The following RTF1 variants were observed in gnomAD, a reference collection of about 807,000 sequenced individuals.
RTF1 encodes the protein RTF1 homolog, Paf1/RNA polymerase II complex component.
In RTF1, 10 loss-of-function variants were observed where a neutral mutation model predicts 95.7. The observed-to-expected ratio is 0.10, with a 90% CI of 0.06 to 0.18. RTF1 has a LOEUF of 0.18. Among genes scored for constraint, RTF1 ranks in the 10% least tolerant of loss-of-function variants. The probability of loss-of-function intolerance (pLI) is 1.00; values close to 1 mark genes in which losing one functional copy is unlikely to be tolerated. For missense variants in RTF1, 458 were observed against 875.6 expected (o/e 0.52, Z 6.02); for synonymous variants, 305 against 311.8 (o/e 0.98, Z 0.23).
At chr15:41,475,198 TC>T (rs34837447) in intron 9 of RTF1, among the ~76,000 whole-genome samples, 1 of 152,210 alleles carries the variant, frequency 6.6e-6, no homozygotes, top group Non-Finnish European at 1.5e-5. Flanking sequence ...CAGGTGATCC[TC>T]CCACCTCAGT....
intron 1 of RTF1, among the ~76,000 whole-genome samples, chr15:41,435,366 GT>G (rs1403412502): frequency 6.6e-6 from 1 of 151,196 alleles, no homozygotes; most frequent in Non-Finnish European, 1.5e-5. Context: ...TCAAGTTTGG[GT>G]TTTTTGTTTT....
intron 1 of RTF1, among the ~76,000 whole-genome samples, chr15:41,428,916 T>A (rs2050653590): frequency 6.6e-6 from 1 of 152,086 alleles, no homozygotes; most frequent in Admixed American, 6.6e-5. Flanking sequence ...TTTGTATTTT[T>A]AGTAGAGACG....
Position 41,482,244 on chromosome 15 carries a change from C to G in RTF1, c.*1557C>G, listed in dbSNP as rs946234432. 6.6e-6 allele frequency: 1 copy of G among 152,664 alleles called. No homozygotes were observed. The highest frequency in any genetic ancestry group is 1.5e-5 in the Non-Finnish European group (1 of 68,048). The allele number at this position is 152,664 out of a possible 1,614,324, so 9.5% of individuals were successfully genotyped here. A position where few individuals can be genotyped will look rare whatever the true frequency, so the allele number is the denominator to read the frequency against. ...AGATAAACTGACTGCTTGATAATCACTCTCAGGTGTAAAGCTCCAAGTGTA... is the reference window on the plus strand; with the variant it reads ...AGATAAACTGACTGCTTGATAATCAGTCTCAGGTGTAAAGCTCCAAGTGTA... On this transcript the variant is annotated 3_prime_UTR_variant, in exon 18 of 18. Coordinates refer to ENST00000389629, the MANE Select transcript of RTF1 (RefSeq NM_015138.5).
At chr15:41,418,863 A>T (rs71472484) in intron 1 of RTF1, among the ~76,000 whole-genome samples, 5,288 of 149,820 alleles carry the variant, frequency 0.035, 137 homozygotes, top group Non-Finnish European at 0.053. Flanking sequence ...TTATTTATTT[A>T]TTTTTTTTTG....
chr15:41,421,487 G>T (rs962687686), intron 1 of RTF1, among the ~76,000 whole-genome samples: 2 of 151,364 alleles, frequency 1.3e-5, no homozygotes, highest in African/African-American at 4.9e-5. Context: ...TTAAAAATTA[G>T]CTGGGCATGG....
At chr15:41,465,628 G>A (rs1443743337) in intron 5 of RTF1, among the ~76,000 whole-genome samples, 3 of 151,776 alleles carry the variant, frequency 2.0e-5, no homozygotes, top group Non-Finnish European at 4.4e-5. Context: ...GCAGAAGAGC[G>A]AGGCTCTGTT....
intron 17 of RTF1, 77 bp from the exon 18 acceptor site, chr15:41,480,504 C>A (rs2050966641): frequency 1.8e-6 from 2 of 1,131,884 alleles, no homozygotes; most frequent in African/African-American, 1.5e-5. Context: ...AGTCAGGAGG[C>A]TGCCTGCAGG....
chr15:41,445,282 TAGAC>T (rs1198109844), intron 2 of RTF1, among the ~76,000 whole-genome samples: 1 of 152,162 alleles, frequency 6.6e-6, no homozygotes, highest in East Asian at 1.9e-4. Context: ...TGTAGACAAA[TAGAC>T]AGTAACACCT....
intron 1 of RTF1, among the ~76,000 whole-genome samples, chr15:41,431,637 A>G (rs750232279): frequency 1.1e-4 from 16 of 151,948 alleles, no homozygotes; most frequent in Non-Finnish European, 1.8e-4. Flanking sequence ...AGCTGAGACT[A>G]TAGGCATGTG....
Position 41,483,084 on chromosome 15 carries a change from C to A in RTF1, c.*2397C>A, listed in dbSNP as rs917603285. 6.6e-6 allele frequency: 1 copy of A among 152,654 alleles called. No homozygotes were observed. Among genetic ancestry groups the A allele is most frequent in the Non-Finnish European group, 1.5e-5 (1 of 68,042 alleles). 9.5% of individuals were successfully genotyped at this position (152,654 alleles called of 1,614,324 possible). A position where few individuals can be genotyped will look rare whatever the true frequency, so the allele number is the denominator to read the frequency against. On this transcript the variant is annotated 3_prime_UTR_variant, in exon 18 of 18. Coordinates refer to ENST00000389629, the MANE Select transcript of RTF1 (RefSeq NM_015138.5). ...GGGAGAAAAGCCAACCAAAGAAGAC[C>A]GAAGGGTATCTTTCCACCCGAGTAG...
At chr15:41,460,257 G>A (rs1210598364) in intron 4 of RTF1, among the ~76,000 whole-genome samples, 1 of 151,516 alleles carries the variant, frequency 6.6e-6, no homozygotes, top group African/African-American at 2.4e-5. Context: ...CAAGCAGCTG[G>A]GATTACAGAC....
At chr15:41,453,674 C>A (rs1353169171) in intron 3 of RTF1, among the ~76,000 whole-genome samples, 4 of 151,364 alleles carry the variant, frequency 2.6e-5, no homozygotes, top group African/African-American at 9.7e-5. Flanking sequence ...TTACTGTGAG[C>A]TATGATCACA....
intron 13 of RTF1, 53 bp downstream of exon 13, chr15:41,477,339 C>G: frequency 6.2e-7 from 1 of 1,613,772 alleles, no homozygotes; most frequent in Admixed American, 1.7e-5. Flanking sequence ...AATTATCAGG[C>G]AAGCCTGTGG....
In RTF1 at chr15:41,483,147, T is replaced by A. The variant is rs1036467160; in HGVS notation, c.*2460T>A. 6.6e-6 allele frequency: 1 copy of A among 152,592 alleles called. No individual in the cohort carries two copies. The highest frequency in any genetic ancestry group is 1.9e-4 in the East Asian group (1 of 5,188). 9.5% of individuals were successfully genotyped at this position (152,592 alleles called of 1,614,324 possible). A position where few individuals can be genotyped will look rare whatever the true frequency, so the allele number is the denominator to read the frequency against. Reference sequence around the variant, plus strand: ...TTGGGACCAAGACTAAGGACTTGTCTCCAATCTCAGCTGAGGCAGTGCCTC... The same window carrying A: ...TTGGGACCAAGACTAAGGACTTGTCACCAATCTCAGCTGAGGCAGTGCCTC... On this transcript the variant is annotated 3_prime_UTR_variant, in exon 18 of 18. Transcript: ENST00000389629.
At chr15:41,443,241 C>A (rs565921145) in intron 2 of RTF1, among the ~76,000 whole-genome samples, 1 of 152,206 alleles carries the variant, frequency 6.6e-6, no homozygotes, top group East Asian at 1.9e-4. Context: ...ACTGGACATT[C>A]AGTATAATGT....
rs768131747 is a variant in RTF1, at chr15:41,462,416, A to G, written c.663-2355A>G. The stretch of plus-strand genomic sequence containing the variant: ...TTGCAGTTAGAAGGTCTAGGGGTCA[A>G]GTCAGACTCGCTGGAGGGGTGATCG... On this transcript the variant is annotated intron_variant, in intron 4 of 17. Coordinates refer to ENST00000389629, the MANE Select transcript of RTF1 (RefSeq NM_015138.5). 2.8e-4 allele frequency among the ~76,000 whole-genome samples: 43 copies of G among 152,306 alleles called. No homozygotes were observed. The Middle Eastern group carries it at 0.01, about 36-fold the overall frequency.
intron 8 of RTF1, among the ~76,000 whole-genome samples, chr15:41,472,228 CAG>C (rs958258728): frequency 1.6e-4 from 23 of 141,060 alleles, no homozygotes; most frequent in African/African-American, 5.0e-4. Flanking sequence ...TTTTTTCAGA[CAG>C]AGTTTCGCTT....
rs1221777741 is a variant in RTF1 at position 41,481,161 on chromosome 15, C to T, written c.*474C>T. 1 of 149,058 alleles carries T rather than the reference C, an allele frequency of 6.7e-6. No individual in the cohort carries two copies. Among genetic ancestry groups the T allele is most frequent in the Non-Finnish European group, 1.5e-5 (1 of 68,028 alleles). The allele number at this position is 149,058 out of a possible 1,614,324, so 9.2% of individuals were successfully genotyped here. A position where few individuals can be genotyped will look rare whatever the true frequency, so the allele number is the denominator to read the frequency against. ...GGATTGGGCACCTGCGATCCTCTTT[C>T]CTCTCTTCATCTTTCTCTTCTGCCC... On this transcript the variant is annotated 3_prime_UTR_variant, in exon 18 of 18. Coordinates refer to ENST00000389629, the MANE Select transcript of RTF1 (RefSeq NM_015138.5).
At chr15:41,470,728 G>A (rs1299555039) in intron 7 of RTF1, among the ~76,000 whole-genome samples, 3 of 141,534 alleles carry the variant, frequency 2.1e-5, no homozygotes, top group Admixed American at 1.5e-4. Flanking sequence ...GCAGGATCTC[G>A]GCTCACTGCA....
Sources: allele counts gnomAD v4.1 joint callset (sites outside exome capture counted in the v4.1 genomes callset), GRCh38; gene constraint gnomAD v4.1.1; transcripts MANE v1.5; gene names NCBI Gene and HGNC (gene_info 2026-07-23, HGNC 2026-07-21).